NHSL2: variants seen among roughly 807,000 people sequenced by gnomAD.
NHSL2 encodes NHS like 2.
A neutral mutation model predicts 53.4 loss-of-function variants in NHSL2; 27 were observed. The observed-to-expected ratio is 0.51, with a 90% CI of 0.37 to 0.70. The LOEUF is 0.70. NHSL2 is among the 30% of genes least tolerant of loss of function. The pLI is 0.00. For missense variants in NHSL2, 892 were observed against 980.1 expected, an observed-to-expected ratio of 0.91 and a Z score of 1.20; for synonymous variants, 408 against 404.1, an observed-to-expected ratio of 1.01 and a Z score of -0.12.
At chrX:72,140,933 G>A (rs1213925830) in intron 6 of NHSL2, 162 bp downstream of exon 6, 7 of 444,500 alleles carry the variant, frequency 1.6e-5, no homozygotes, top group Middle Eastern at 1.3e-3. Flanking sequence ...AGGAACCACG[G>A]GCTGGCCTTA....
At chrX:72,103,558 T>G (rs2042013424) in intron 1 of NHSL2, among the ~76,000 whole-genome samples, 1 of 111,129 alleles carries the variant, frequency 9.0e-6, no homozygotes, top group Non-Finnish European at 1.9e-5. Context: ...GGTCCAAGGT[T>G]CAGGAGAAGG....
At chrX:71,923,266 C>T (rs1251001684) in intron 1 of NHSL2, among the ~76,000 whole-genome samples, 1 of 112,048 alleles carries the variant, frequency 8.9e-6, no homozygotes, top group Non-Finnish European at 1.9e-5. Context: ...AATCTTTAGA[C>T]AGGCACATCC....
intron 1 of NHSL2, among the ~76,000 whole-genome samples, chrX:71,988,545 G>A (rs1342888377): frequency 9.0e-6 from 1 of 110,748 alleles, no homozygotes; most frequent in Non-Finnish European, 1.9e-5. Context: ...TTATTAAGAG[G>A]GGTCTTTAAC....
rs368158232 is a variant in NHSL2, at chrX:72,064,233, A to G, written c.281-67846A>G. 3.3e-4 allele frequency among the ~76,000 whole-genome samples: 37 copies of G among 111,934 alleles called. No homozygotes were observed. The South Asian group carries it at 0.013, about 40-fold the overall frequency. ...AGCACTATGAGGGGTAGCCGCTGGC[A>G]GGCTACAGCCCACTGGAGTCAGAGT... On this transcript the variant is annotated intron_variant, in intron 1 of 7. Coordinates refer to ENST00000633930, the MANE Select transcript of NHSL2 (RefSeq NM_001013627.3).
At chrX:72,000,933 G>A (rs1346976059) in intron 1 of NHSL2, among the ~76,000 whole-genome samples, 1 of 112,113 alleles carries the variant, frequency 8.9e-6, no homozygotes, top group Non-Finnish European at 1.9e-5. Flanking sequence ...CATCGTTGTG[G>A]GGGCTATAAT....
At position 72,140,397 on chromosome X, in the gene NHSL2, C is replaced by T. The variant is rs372427097; in HGVS notation, c.2849C>T (p.Thr950Met). Reference protein sequence around the residue: ...ESTAPSSLVFTPFASSSDAFF... With the variant: ...ESTAPSSLVFMPFASSSDAFF... ...ACAGCACCCTCATCTCTTGTTTTCA[C>T]GCCTTTTGCCAGTTCCTCTGATGCT... Residue 950 changes from threonine to methionine, a missense_variant, in exon 6 of 8, where the codon ACG becomes ATG. By Grantham distance (81) the Thr-to-Met change is moderately conservative. Coordinates refer to ENST00000633930, the MANE Select transcript of NHSL2 (RefSeq NM_001013627.3). 1.7e-6 allele frequency: 2 copies of T among 1,210,092 alleles called. No individual in the cohort carries two copies. Among genetic ancestry groups the T allele is most frequent in the Non-Finnish European group, 2.2e-6 (2 of 894,597 alleles).
intron 1 of NHSL2, among the ~76,000 whole-genome samples, chrX:71,932,769 T>A (rs1264757559): frequency 2.7e-5 from 3 of 112,481 alleles, no homozygotes; most frequent in East Asian, 2.8e-4. Context: ...TTAAGTTATC[T>A]GATCCTCACT....
intron 1 of NHSL2, among the ~76,000 whole-genome samples, chrX:72,048,400 G>A (rs2042317754): frequency 1.8e-5 from 2 of 111,092 alleles, no homozygotes; most frequent in African/African-American, 6.6e-5. Context: ...ATGTTGTCAC[G>A]AAGGGGAAGA....
In NHSL2 at chrX:71,934,284, C is replaced by T. The variant is rs748855046; in HGVS notation, c.280+22917C>T. ...ACTCTGAACATTGTACTTCACTCAG[C>T]CAGCTCCCTTTTCCTTGTAGAGCAG... On this transcript the variant is annotated intron_variant, in intron 1 of 7. Transcript: ENST00000633930. Among the ~76,000 whole-genome samples the T allele has an allele frequency of 8.0e-5, 9 of 112,281 alleles. No homozygotes were observed. The East Asian group carries it at 2.5e-3, about 31-fold the overall frequency.
intron 1 of NHSL2, among the ~76,000 whole-genome samples, chrX:71,958,335 G>T (rs894766632): frequency 1.8e-5 from 2 of 111,991 alleles, no homozygotes; most frequent in African/African-American, 6.5e-5. Context: ...GCCCAAACCA[G>T]AAGTGAGAGC....
chrX:72,151,099 C>T lies in NHSL2; in HGVS notation c.*7525C>T, dbSNP rs958683145. The T allele has an allele frequency of 3.6e-5, 4 of 111,161 alleles. No individual in the cohort carries two copies. Among genetic ancestry groups the T allele is most frequent in the African/African-American group, 1.3e-4 (4 of 30,496 alleles). The allele number at this position is 111,161 out of a possible 1,213,427, so 9.2% of individuals were successfully genotyped here. A position where few individuals can be genotyped will look rare whatever the true frequency, so the allele number is the denominator to read the frequency against. On this transcript the variant is annotated 3_prime_UTR_variant, in exon 8 of 8. Coordinates refer to ENST00000633930, the MANE Select transcript of NHSL2 (RefSeq NM_001013627.3). ...GTACAATCTCGGCTCATTACAACCT[C>T]CACCTCCCGGGTTCAGGCAATTCTC...
rs190502972 is a variant in NHSL2 at position 71,923,546 on chromosome X, C to G, written c.280+12179C>G. Among the ~76,000 whole-genome samples, 22 of 111,968 alleles carry G rather than the reference C, an allele frequency of 2.0e-4. No homozygotes were observed. The East Asian group carries it at 5.9e-3, about 30-fold the overall frequency. ...TGTAGTGCCAGGTGCCACCAGGCAC[C>G]AGGTATACAGAAATATGTCAGTGAT... On this transcript the variant is annotated intron_variant, in intron 1 of 7. Transcript: ENST00000633930.
At chrX:71,937,582 G>A (rs1008060871) in intron 1 of NHSL2, among the ~76,000 whole-genome samples, 1 of 112,050 alleles carries the variant, frequency 8.9e-6, no homozygotes, top group Admixed American at 9.4e-5. Flanking sequence ...TCATGATCTA[G>A]AACATTGCTA....
intron 1 of NHSL2, among the ~76,000 whole-genome samples, chrX:72,113,891 C>T (rs2042113854): frequency 8.9e-6 from 1 of 112,131 alleles, no homozygotes; most frequent in Admixed American, 9.4e-5. Flanking sequence ...GAGGTCCTTC[C>T]TCTTTCTGAC....
chrX:72,105,732 C>T lies in NHSL2; in HGVS notation c.281-26347C>T, dbSNP rs189540744. Among the ~76,000 whole-genome samples, 12 of 111,758 alleles carry T rather than the reference C, an allele frequency of 1.1e-4. No homozygotes were observed. The East Asian group carries it at 2.8e-3, about 26-fold the overall frequency. On this transcript the variant is annotated intron_variant, in intron 1 of 7. Coordinates refer to ENST00000633930, the MANE Select transcript of NHSL2 (RefSeq NM_001013627.3). ...AGGCCTGTGAGCTACCCAGGAAATG[C>T]AATACTGTTATAGCCACCAGGTGAA...
At chrX:71,959,548 C>A (rs2041858343) in intron 1 of NHSL2, among the ~76,000 whole-genome samples, 1 of 111,379 alleles carries the variant, frequency 9.0e-6, no homozygotes, top group African/African-American at 3.3e-5. Context: ...TCACTACAAT[C>A]AATTTTAAAG....
At chrX:72,083,744 C>A (rs1249094409) in intron 1 of NHSL2, among the ~76,000 whole-genome samples, 1 of 111,841 alleles carries the variant, frequency 8.9e-6, no homozygotes, top group Non-Finnish European at 1.9e-5. Context: ...GTAAATAGAA[C>A]CAGTGGTGCC....
At chrX:72,120,174 G>A (rs1396110191) in intron 1 of NHSL2, among the ~76,000 whole-genome samples, 2 of 112,062 alleles carry the variant, frequency 1.8e-5, no homozygotes, top group African/African-American at 3.2e-5. Flanking sequence ...GTTTTTTCGT[G>A]ATGTTTTTGT....
Position 71,994,410 on chromosome X carries a change from T to C in NHSL2, c.280+83043T>C, listed in dbSNP as rs189942437. Reference sequence around the variant, plus strand: ...GAGGAACAAAATGAGTAAATCAAGCTGAAGAGGAGGCAGGGCCTTACTGGC... The same window carrying C: ...GAGGAACAAAATGAGTAAATCAAGCCGAAGAGGAGGCAGGGCCTTACTGGC... On this transcript the variant is annotated intron_variant, in intron 1 of 7. Transcript: ENST00000633930. 4.7e-3 allele frequency among the ~76,000 whole-genome samples: 506 copies of C among 107,666 alleles called. 3 individuals carry two copies. Among genetic ancestry groups the C allele is most frequent in the African/African-American group, 0.017 (492 of 29,346 alleles). 93.5% of individuals were successfully genotyped at this position (107,666 alleles called of 115,157 possible). A position where few individuals can be genotyped will look rare whatever the true frequency, so the allele number is the denominator to read the frequency against.
Sources: gnomAD v4.1 joint callset for allele counts (sites outside exome capture counted in the v4.1 genomes callset) on GRCh38, gnomAD v4.1.1 for gene constraint, MANE v1.5 for transcripts, NCBI Gene and HGNC (gene_info 2026-07-23, HGNC 2026-07-21) for gene names.